NTRK2: variants seen among roughly 807,000 people sequenced by gnomAD.
NTRK2 encodes BDNF/NT-3 growth factors receptor.
Under a neutral mutation model 94.5 loss-of-function variants are expected in NTRK2, and 13 were observed. The ratio of observed to expected loss-of-function variants is 0.14; its 90% confidence interval spans 0.09 to 0.22. The LOEUF is 0.22. Ranked by LOEUF, NTRK2 falls within the 10% of genes least tolerant of loss-of-function variation. The probability of loss-of-function intolerance (pLI) is 1.00; values close to 1 mark genes in which losing one functional copy is unlikely to be tolerated. For missense variants in NTRK2, 639 were observed against 1,071.2 expected, an observed-to-expected ratio of 0.60 and a Z score of 5.63; for synonymous variants, 372 against 407.4, an observed-to-expected ratio of 0.91 and a Z score of 1.05.
chr9:84,929,914 C>G (rs987875041), intron 14 of NTRK2, among the ~76,000 whole-genome samples: 2 of 152,128 alleles, frequency 1.3e-5, no homozygotes, highest in Admixed American at 1.3e-4. Flanking sequence ...GTGATTTGCT[C>G]AAGTCTCCAA....
chr9:84,816,511 C>A (rs900581819), intron 12 of NTRK2, among the ~76,000 whole-genome samples: 1 of 151,704 alleles, frequency 6.6e-6, no homozygotes, highest in African/African-American at 2.4e-5. Context: ...CTGGGCGTGG[C>A]GGCTCACACC....
At chr9:84,733,616 A>C (rs2063044424) in intron 9 of NTRK2, among the ~76,000 whole-genome samples, 1 of 152,140 alleles carries the variant, frequency 6.6e-6, no homozygotes, top group African/African-American at 2.4e-5. Context: ...CCAACCATAA[A>C]ATATAAAAGG....
intron 14 of NTRK2, among the ~76,000 whole-genome samples, chr9:84,923,064 T>C (rs953635819): frequency 4.6e-5 from 7 of 152,170 alleles, no homozygotes; most frequent in Non-Finnish European, 5.9e-5. Context: ...TTTCAGACAT[T>C]GGCCATGTAT....
intron 15 of NTRK2, among the ~76,000 whole-genome samples, chr9:84,940,809 T>C (rs1032022222): frequency 3.3e-5 from 5 of 152,248 alleles, no homozygotes; most frequent in Non-Finnish European, 7.3e-5. Flanking sequence ...GTAAGGTTAT[T>C]TCTAAGACAG....
chr9:84,897,726 C>G (rs1429554005), intron 14 of NTRK2, among the ~76,000 whole-genome samples: 3 of 152,212 alleles, frequency 2.0e-5, no homozygotes, highest in African/African-American at 7.2e-5. Context: ...CCTCACAAAC[C>G]ACTTCTTCAG....
chr9:84,804,138 C>G (rs1195897504), intron 12 of NTRK2, among the ~76,000 whole-genome samples: 1 of 152,170 alleles, frequency 6.6e-6, no homozygotes, highest in Non-Finnish European at 1.5e-5. Flanking sequence ...TACACTCTTT[C>G]TTCTAGGGTC....
intron 12 of NTRK2, among the ~76,000 whole-genome samples, chr9:84,848,011 T>C (rs1483152136): frequency 1.3e-5 from 2 of 152,112 alleles, no homozygotes; most frequent in South Asian, 2.1e-4. Flanking sequence ...CTCTTCTTGG[T>C]TTGCCAATGG....
In NTRK2 at chr9:84,812,910, G is replaced by T. The variant is rs41277887; in HGVS notation, c.1397-48130G>T. Reference sequence around the variant, plus strand: ...CATCTCCTAGGGAATGATGAAAACAGCAGGCTATTAGAAAATTATTTCATA... The same window carrying T: ...CATCTCCTAGGGAATGATGAAAACATCAGGCTATTAGAAAATTATTTCATA... On this transcript the variant is annotated intron_variant, in intron 12 of 18. Coordinates refer to ENST00000277120, the MANE Select transcript of NTRK2 (RefSeq NM_006180.6). The T allele has an allele frequency of 8.8e-3, 9,099 of 1,033,446 alleles. 60 individuals carry two copies. Among genetic ancestry groups the T allele is most frequent in the Non-Finnish European group, 0.01 (8,599 of 858,868 alleles). The allele number at this position is 1,033,446 out of a possible 1,614,324, so 64.0% of individuals were successfully genotyped here.
At position 84,670,760 on chromosome 9, in the gene NTRK2, G is replaced by T; in HGVS notation, c.12G>T (p.Trp4Cys). Reference sequence around the variant, plus strand: ...ACTGGCTGCTAGGGATGTCGTCCTGGATAAGGTGGCATGGACCCGCCATGG... The same window carrying T: ...ACTGGCTGCTAGGGATGTCGTCCTGTATAAGGTGGCATGGACCCGCCATGG... The part of the protein sequence containing the change: MSS[W>C]IRWHGPAMAR... Residue 4 changes from tryptophan (W) to cysteine (C), a missense_variant, in exon 2 of 19, where the codon TGG (tryptophan) becomes TGT (cysteine). Trp to Cys is a radical substitution (Grantham distance 215). Coordinates refer to ENST00000277120, the MANE Select transcript of NTRK2 (RefSeq NM_006180.6). 1 of 1,613,252 alleles carries T rather than the reference G, an allele frequency of 6.2e-7. No homozygotes were observed. The highest frequency in any genetic ancestry group is 8.5e-7 in the Non-Finnish European group (1 of 1,180,034).
chr9:84,918,286 T>C (rs1439729320), intron 14 of NTRK2, among the ~76,000 whole-genome samples: 6 of 152,198 alleles, frequency 3.9e-5, no homozygotes, highest in Non-Finnish European at 7.3e-5. Flanking sequence ...GTCATATGCA[T>C]TGATGTCTTC....
intron 17 of NTRK2, among the ~76,000 whole-genome samples, chr9:85,000,431 G>C (rs1455426296): frequency 6.6e-6 from 1 of 152,034 alleles, no homozygotes; most frequent in Non-Finnish European, 1.5e-5. Context: ...GGAAACCACT[G>C]ATCTTTTTTT....
chr9:84,723,609 C>A lies in NTRK2; in HGVS notation c.620C>A (p.Thr207Asn). The change falls in exon 7 of 19, where the codon ACT becomes AAT. Residue 207 changes from threonine (T) to asparagine (N), a missense_variant. Physicochemically the swap from Thr to Asn is moderately conservative, Grantham distance 65. This residue lies in a region of NTRK2 where 12 missense variants were observed against 27.8 expected (regional missense o/e 0.43). Coordinates refer to ENST00000277120, the MANE Select transcript of NTRK2 (RefSeq NM_006180.6). ...PSANLAAPNLTVEEGKSITLS... is the reference protein window; with the variant it reads ...PSANLAAPNLNVEEGKSITLS... ...GCAAATCTGGCCGCACCTAACCTCACTGTGGAGGAAGGAAAGTCTATCACA... is the reference window on the plus strand; with the variant it reads ...GCAAATCTGGCCGCACCTAACCTCAATGTGGAGGAAGGAAAGTCTATCACA... 6.2e-7 allele frequency: 1 copy of A among 1,614,134 alleles called. No homozygotes were observed. Among genetic ancestry groups the A allele is most frequent in the Non-Finnish European group, 8.5e-7 (1 of 1,179,970 alleles).
At chr9:84,982,613 T>C (rs1021018666) in intron 17 of NTRK2, among the ~76,000 whole-genome samples, 1 of 152,210 alleles carries the variant, frequency 6.6e-6, no homozygotes, top group African/African-American at 2.4e-5. Context: ...CATTTAGCTT[T>C]ATTTTAGCCC....
At chr9:84,840,678 TC>T (rs2074129218) in intron 12 of NTRK2, among the ~76,000 whole-genome samples, 2 of 152,156 alleles carry the variant, frequency 1.3e-5, no homozygotes, top group Non-Finnish European at 2.9e-5. Flanking sequence ...GCTCTTGACT[TC>T]CCATGCACCA....
At chr9:84,878,016 C>T (rs183457849) in intron 14 of NTRK2, 351 of 903,462 alleles carry the variant, frequency 3.9e-4, no homozygotes, top group Non-Finnish European at 4.2e-4. Flanking sequence ...AGAAGTTGTC[C>T]GCATTGGTTC....
At chr9:84,976,050 C>T (rs1826816358) in intron 17 of NTRK2, among the ~76,000 whole-genome samples, 2 of 152,166 alleles carry the variant, frequency 1.3e-5, no homozygotes, top group South Asian at 2.1e-4. Context: ...GATGACTCCA[C>T]ACCTAAATTC....
intron 17 of NTRK2, among the ~76,000 whole-genome samples, chr9:84,997,707 A>G (rs1249484462): frequency 2.6e-5 from 4 of 152,224 alleles, no homozygotes; most frequent in African/African-American, 9.6e-5. Flanking sequence ...TGTGCACAGC[A>G]GAGCAAATTT....
At chr9:84,748,449 A>G (rs1253687056) in intron 11 of NTRK2, among the ~76,000 whole-genome samples, 1 of 152,232 alleles carries the variant, frequency 6.6e-6, no homozygotes, top group Non-Finnish European at 1.5e-5. Flanking sequence ...CTAGGCAGAG[A>G]AGCCAGGGCA....
At chr9:84,796,134 G>T (rs542793893) in intron 12 of NTRK2, among the ~76,000 whole-genome samples, 2 of 151,830 alleles carry the variant, frequency 1.3e-5, no homozygotes, top group Admixed American at 1.3e-4. Flanking sequence ...GGTTTTTTTC[G>T]CACAGCAAGA....
Sources: allele counts gnomAD v4.1 joint callset (sites outside exome capture counted in the v4.1 genomes callset), GRCh38; gene constraint gnomAD v4.1.1; regional missense constraint gnomAD v4.1.1; transcripts MANE v1.5; gene names NCBI Gene and HGNC (gene_info 2026-07-23, HGNC 2026-07-21).